The following SLC5A12 variants were observed in gnomAD, a reference collection of about 807,000 sequenced individuals.
SLC5A12 encodes sodium-coupled monocarboxylate transporter 2.
In SLC5A12, 46 loss-of-function variants were observed where a neutral mutation model predicts 72.7. That is an observed-to-expected ratio of 0.63 (90% CI 0.50 to 0.81). The LOEUF (loss-of-function observed/expected upper bound fraction) is 0.81. Among genes scored for constraint, SLC5A12 ranks in the 30% least tolerant of loss-of-function variants. SLC5A12 has a pLI of 0.00. For synonymous variants in SLC5A12, 275 were observed against 264.4 expected, an observed-to-expected ratio of 1.04 and a Z score of -0.39; for missense variants, 683 against 740.7, an observed-to-expected ratio of 0.92 and a Z score of 0.90.
chr11:26,686,567 T>G, intron 9 of SLC5A12, 23 bp from the exon 10 acceptor site: 1 of 1,610,810 alleles, frequency 6.2e-7, no homozygotes, highest in Non-Finnish European at 8.5e-7. Context: ...AAAATTACAA[T>G]CATAATTTCC....
At chr11:26,671,788 TC>T (rs1315407102) in intron 14 of SLC5A12, among the ~76,000 whole-genome samples, 1 of 152,146 alleles carries the variant, frequency 6.6e-6, no homozygotes, top group African/African-American at 2.4e-5. Context: ...TATTATTTAT[TC>T]CAGGAAATTC....
At chr11:26,719,276 T>C (rs1319848754) in intron 1 of SLC5A12, among the ~76,000 whole-genome samples, 1 of 152,236 alleles carries the variant, frequency 6.6e-6, no homozygotes, top group Non-Finnish European at 1.5e-5. Flanking sequence ...ACTAAGGTAA[T>C]ACTAATATGT....
At chr11:26,680,917 C>A in intron 12 of SLC5A12, 138 bp downstream of exon 12, 2 of 745,622 alleles carry the variant, frequency 2.7e-6, no homozygotes, top group Non-Finnish European at 1.9e-6. Flanking sequence ...TGGCACTCTT[C>A]AGTGCTGGGT....
intron 6 of SLC5A12, among the ~76,000 whole-genome samples, chr11:26,700,619 A>G (rs1213357962): frequency 7.3e-5 from 11 of 151,394 alleles, no homozygotes; most frequent in Admixed American, 7.2e-4. Flanking sequence ...AGATGTGCTC[A>G]TCGTAACTGG....
chr11:26,689,456 A>G (rs767685898), intron 9 of SLC5A12, among the ~76,000 whole-genome samples: 22 of 152,140 alleles, frequency 1.4e-4, no homozygotes, highest in Non-Finnish European at 2.8e-4. Flanking sequence ...AAATTCTAGA[A>G]GAGGTAAAAC....
At chr11:26,722,600 T>C (rs919930128), upstream of SLC5A12, among the ~76,000 whole-genome samples, 1 of 152,204 alleles carries the variant, frequency 6.6e-6, no homozygotes, top group Non-Finnish European at 1.5e-5. Context: ...CATTAATTAA[T>C]AAATTATTTA....
At chr11:26,680,372 C>CATATATATATGTATATATATTT in intron 12 of SLC5A12, among the ~76,000 whole-genome samples, 1 of 83,556 alleles carries the variant, frequency 1.2e-5, no homozygotes, top group Non-Finnish European at 2.7e-5. Context: ...TATATATATT[C>CATATATATATGTATATATATTT]ATATATATAT....
At position 26,670,857 on chromosome 11, in the gene SLC5A12, G is replaced by A. The variant is rs751849681; in HGVS notation, c.*245C>T. 6.0e-6 allele frequency: 2 copies of A among 336,054 alleles called. No homozygotes were observed. Among genetic ancestry groups the A allele is most frequent in the Non-Finnish European group, 1.1e-5 (2 of 187,108 alleles). The allele number at this position is 336,054 out of a possible 1,614,324, so 20.8% of individuals were successfully genotyped here. On this transcript the variant is annotated 3_prime_UTR_variant, in exon 15 of 15. Coordinates refer to ENST00000396005, the MANE Select transcript of SLC5A12 (RefSeq NM_178498.4). ...ATCCAGCCCTAATTTATTCAAGAAG[G>A]AAGTAGTCAAGGGCATTTGGAGCAG... is the stretch of plus-strand genomic sequence containing the variant.
At position 26,681,210 on chromosome 11, in the gene SLC5A12, T is replaced by G. The variant is rs182261149; in HGVS notation, c.1320A>C (p.Gly440=). 1.9e-4 allele frequency: 301 copies of G among 1,595,382 alleles called. No homozygotes were observed. The African/African-American group carries it at 3.3e-3, about 17-fold the overall frequency. ...FPFVNWKGAL[G]GLLTGITLSF... Reference sequence around the variant, plus strand: ...ACAAGGTGATTCCAGTAAGAAGACCTCCTAGTGCACCCTGGATGAAGAAGA... The same window carrying G: ...ACAAGGTGATTCCAGTAAGAAGACCGCCTAGTGCACCCTGGATGAAGAAGA... The change falls in exon 12 of 15, where the codon GGA becomes GGC. Residue 440 remains glycine (G), a synonymous_variant. Transcript: ENST00000396005.
In SLC5A12 at chr11:26,671,214, G is replaced by A; in HGVS notation, c.1745C>T (p.Ala582Val). 1 of 1,606,362 alleles carries A rather than the reference G, an allele frequency of 6.2e-7. No homozygotes were observed. The change falls in exon 15 of 15, where the codon GCT (alanine) becomes GTT (valine). Residue 582 changes from alanine (A) to valine (V), a missense_variant. Transcript: ENST00000396005. ...GAGTCCGTTCTGTAAGACAGATTCA[G>A]CCCCCTGTTTCCGGGCACTGCCATT... Reference protein sequence around the residue: ...LENGSARKQGAESVLQNGLRR... With the variant: ...LENGSARKQGVESVLQNGLRR...
chr11:26,690,153 C>T (rs1854631785), intron 9 of SLC5A12, among the ~76,000 whole-genome samples: 1 of 152,058 alleles, frequency 6.6e-6, no homozygotes, highest in South Asian at 2.1e-4. Flanking sequence ...AATGCAATCC[C>T]ATGGGATGGG....
chr11:26,705,586 A>T (rs1855064522), intron 4 of SLC5A12, among the ~76,000 whole-genome samples: 1 of 152,122 alleles, frequency 6.6e-6, no homozygotes, highest in Admixed American at 6.6e-5. Context: ...AATACCTGCC[A>T]AAGGCACTGT....
rs139418998 is a variant in SLC5A12, at chr11:26,678,867, T to A, written c.1476-52A>T. The A allele has an allele frequency of 3.1e-4, 401 of 1,274,982 alleles. No homozygotes were observed. The African/African-American group carries it at 5.0e-3, about 16-fold the overall frequency. The allele number at this position is 1,274,982 out of a possible 1,614,324, so 79.0% of individuals were successfully genotyped here. ...TTCCATGCATCCTAAAGACCCACAG[T>A]GATGTAGAGGACTGCTCAGGATTCA... On this transcript the variant is annotated intron_variant, in intron 12 of 14. Transcript: ENST00000396005.
intron 9 of SLC5A12, among the ~76,000 whole-genome samples, chr11:26,689,878 T>C (rs1312218692): frequency 6.6e-6 from 1 of 152,092 alleles, no homozygotes; most frequent in African/African-American, 2.4e-5. Context: ...GCAATGTGTA[T>C]ATGAGAGATC....
At position 26,669,080 on chromosome 11, in the gene SLC5A12, C is replaced by A. The variant is rs1854065901; in HGVS notation, c.*2022G>T. The stretch of plus-strand genomic sequence containing the variant: ...GTGTACAGATATATATATGTATATG[C>A]ATATGTAATACCTACCATTAATTTA... On this transcript the variant is annotated 3_prime_UTR_variant, in exon 15 of 15. Coordinates refer to ENST00000396005, the MANE Select transcript of SLC5A12 (RefSeq NM_178498.4). The A allele has an allele frequency of 1.4e-5, 2 of 148,002 alleles. No homozygotes were observed. Among genetic ancestry groups the A allele is most frequent in the South Asian group, 2.2e-4 (1 of 4,614 alleles). 9.2% of individuals were successfully genotyped at this position (148,002 alleles called of 1,614,324 possible).
Position 26,669,152 on chromosome 11 carries a change from TTCC to T in SLC5A12, c.*1947_*1949del, listed in dbSNP as rs987474401. 2 of 141,056 alleles carry T rather than the reference TTCC, an allele frequency of 1.4e-5. No homozygotes were observed. Among genetic ancestry groups the T allele is most frequent in the African/African-American group, 5.2e-5 (2 of 38,636 alleles). The allele number at this position is 141,056 out of a possible 1,614,324, so 8.7% of individuals were successfully genotyped here. On this transcript the variant is annotated 3_prime_UTR_variant, in exon 15 of 15. Transcript: ENST00000396005. ...TTTTTTTATTCTTTCTGTCTCTCTC[TTCC>T]TCTTCCTGTCTTTTTCTTTCTTTCT...
intron 10 of SLC5A12, 68 bp from the exon 11 acceptor site, chr11:26,683,911 C>T (rs771219247): frequency 3.2e-6 from 4 of 1,243,868 alleles, no homozygotes; most frequent in Admixed American, 2.0e-5. Context: ...GGCATCATAC[C>T]TCTCTTGGAC....
At chr11:26,711,078 C>T (rs888204144) in intron 3 of SLC5A12, among the ~76,000 whole-genome samples, 1 of 152,026 alleles carries the variant, frequency 6.6e-6, no homozygotes, top group Non-Finnish European at 1.5e-5. Flanking sequence ...CAAAAGCAAT[C>T]AAAATTGGTA....
intron 6 of SLC5A12, among the ~76,000 whole-genome samples, chr11:26,703,139 C>T (rs558130032): frequency 4.6e-5 from 7 of 152,246 alleles, no homozygotes; most frequent in African/African-American, 1.7e-4. Context: ...CCTCAGTTTA[C>T]CTTTTAACCC....
Sources: gnomAD v4.1 joint callset for allele counts (sites outside exome capture counted in the v4.1 genomes callset) on GRCh38, gnomAD v4.1.1 for gene constraint, MANE v1.5 for transcripts, NCBI Gene and HGNC (gene_info 2026-07-23, HGNC 2026-07-21) for gene names.